The following CACHD1 variants were observed in gnomAD, a reference collection of about 807,000 sequenced individuals.
CACHD1 encodes the protein VWFA and cache domain-containing protein 1.
In CACHD1, 71 loss-of-function variants were observed where a neutral mutation model predicts 138.7. That is an observed-to-expected ratio of 0.51 (90% CI 0.42 to 0.62). The LOEUF is 0.62. CACHD1 is among the 20% of genes least tolerant of loss of function. The pLI is 0.00. For synonymous variants in CACHD1, 578 were observed against 591.5 expected, an observed-to-expected ratio of 0.98 and a Z score of 0.33; for missense variants, 1,389 against 1,625.3, an observed-to-expected ratio of 0.85 and a Z score of 2.50.
At chr1:64,574,306 G>T (rs1338013818) in intron 2 of CACHD1, among the ~76,000 whole-genome samples, 1 of 152,158 alleles carries the variant, frequency 6.6e-6, no homozygotes, top group Non-Finnish European at 1.5e-5. Context: ...AGCTCCCAGG[G>T]TTGTTATAAG....
At chr1:64,633,529 A>G (rs572758200) in intron 6 of CACHD1, among the ~76,000 whole-genome samples, 1 of 152,256 alleles carries the variant, frequency 6.6e-6, no homozygotes, top group East Asian at 1.9e-4. Context: ...GAAGAAGGGA[A>G]AGCCGCTAGT....
rs1324480950 is a variant in CACHD1 at position 64,666,142 on chromosome 1, A to G, written c.2362A>G (p.Ile788Val). The change falls in exon 16 of 27, where the codon ATC (isoleucine) becomes GTC (valine). Residue 788 changes from isoleucine (I) to valine (V), a missense_variant. Around this residue, in one of 5 missense-constraint regions of CACHD1, gnomAD observed 1,000 missense variants for 1,114.7 expected, o/e 0.90. Transcript: ENST00000651257. ...DVGGAGYVVT[I>V]SHTIHSSSTQ... ...TGGAGGAGCTGGTTATGTTGTGACA[A>G]TCAGTCACACAATTCATTCATCCAG... The G allele has an allele frequency of 1.2e-6, 2 of 1,603,264 alleles. No homozygotes were observed. The highest frequency in any genetic ancestry group is 1.7e-6 in the Non-Finnish European group (2 of 1,171,028).
intron 3 of CACHD1, among the ~76,000 whole-genome samples, chr1:64,591,550 A>G (rs1647106480): frequency 6.6e-6 from 1 of 152,248 alleles, no homozygotes. Context: ...TTCTGTATCT[A>G]TGGTCTAATA....
intron 12 of CACHD1, among the ~76,000 whole-genome samples, chr1:64,655,996 T>C (rs967269176): frequency 1.3e-5 from 2 of 152,224 alleles, no homozygotes; most frequent in East Asian, 1.9e-4. Context: ...TCTGCCTTCA[T>C]AGAGCATCGA....
intron 1 of CACHD1, among the ~76,000 whole-genome samples, chr1:64,499,614 C>A (rs1161468415): frequency 6.6e-6 from 1 of 152,226 alleles, no homozygotes; most frequent in Non-Finnish European, 1.5e-5. Context: ...TCTATCATTT[C>A]TTTCCATTAC....
Position 64,678,143 on chromosome 1 carries a change from A to G in CACHD1, c.3093-16A>G. ...CACACTGCTTTATAGAAGACTAAGT[A>G]TTGTTTTTCTGGCAGGGACTGTTTT... On this transcript the variant is annotated splice_polypyrimidine_tract_variant and intron_variant, in intron 22 of 26. Transcript: ENST00000651257. 6.2e-7 allele frequency: 1 copy of G among 1,608,218 alleles called. No individual in the cohort carries two copies. Among genetic ancestry groups the G allele is most frequent in the Non-Finnish European group, 8.5e-7 (1 of 1,177,706 alleles).
At chr1:64,519,972 C>T (rs547113128) in intron 1 of CACHD1, among the ~76,000 whole-genome samples, 5 of 152,142 alleles carry the variant, frequency 3.3e-5, no homozygotes, top group Middle Eastern at 3.2e-3. Flanking sequence ...GATTAACAGC[C>T]GTATATCAGC....
chr1:64,677,903 A>G (rs918933576), intron 22 of CACHD1, among the ~76,000 whole-genome samples: 2 of 152,114 alleles, frequency 1.3e-5, no homozygotes, highest in Non-Finnish European at 2.9e-5. Context: ...TAGCCCCATG[A>G]TGTGTGGATG....
At chr1:64,613,130 A>G (rs59745833) in intron 4 of CACHD1, among the ~76,000 whole-genome samples, 15,266 of 152,232 alleles carry the variant, frequency 0.1, 806 homozygotes, top group Middle Eastern at 0.19. Flanking sequence ...GAAAACTAGA[A>G]TTAGAAGTAG....
chr1:64,503,415 C>T (rs1437994995), intron 1 of CACHD1, among the ~76,000 whole-genome samples: 1 of 152,150 alleles, frequency 6.6e-6, no homozygotes, highest in African/African-American at 2.4e-5. Context: ...CAAAACAAAA[C>T]TCCAAAAATT....
intron 1 of CACHD1, among the ~76,000 whole-genome samples, chr1:64,548,965 G>T (rs776156031): frequency 3.9e-5 from 6 of 152,150 alleles, no homozygotes; most frequent in Non-Finnish European, 8.8e-5. Context: ...AGTTAGGAGC[G>T]CCAGATCTGA....
At chr1:64,670,327 G>C (rs544830384) in intron 16 of CACHD1, among the ~76,000 whole-genome samples, 27 of 152,190 alleles carry the variant, frequency 1.8e-4, no homozygotes, top group Non-Finnish European at 3.2e-4. Flanking sequence ...ATGTGACCTT[G>C]GCCAAATAAC....
At chr1:64,677,580 C>A (rs142487295) in intron 22 of CACHD1, among the ~76,000 whole-genome samples, 1 of 152,120 alleles carries the variant, frequency 6.6e-6, no homozygotes, top group Non-Finnish European at 1.5e-5. Flanking sequence ...CTCTGCTTTG[C>A]GTGTGTATTT....
At chr1:64,536,121 A>G (rs759965188) in intron 1 of CACHD1, among the ~76,000 whole-genome samples, 9 of 152,202 alleles carry the variant, frequency 5.9e-5, no homozygotes, top group Non-Finnish European at 1.2e-4. Flanking sequence ...TAGTTATGCA[A>G]TGATCACATG....
intron 6 of CACHD1, among the ~76,000 whole-genome samples, chr1:64,633,668 G>T (rs1648393326): frequency 6.6e-6 from 1 of 152,146 alleles, no homozygotes; most frequent in African/African-American, 2.4e-5. Context: ...CACTAACCTA[G>T]TGGCTTAAAA....
chr1:64,609,691 T>C (rs2100593140), intron 4 of CACHD1, among the ~76,000 whole-genome samples: 1 of 152,334 alleles, frequency 6.6e-6, no homozygotes, highest in African/African-American at 2.4e-5. Context: ...AATACAAATA[T>C]ATATACACAC....
chr1:64,491,911 G>T (rs567117815), intron 1 of CACHD1, among the ~76,000 whole-genome samples: 1 of 151,862 alleles, frequency 6.6e-6, no homozygotes, highest in African/African-American at 2.4e-5. Flanking sequence ...GTGAGCCACT[G>T]CACCCAGCGG....
At chr1:64,599,818 C>A (rs1178010036) in intron 3 of CACHD1, among the ~76,000 whole-genome samples, 1 of 152,074 alleles carries the variant, frequency 6.6e-6, no homozygotes, top group Non-Finnish European at 1.5e-5. Context: ...ATCTATGTAT[C>A]CTCAGCATTG....
intron 10 of CACHD1, 24 bp from the exon 11 acceptor site, chr1:64,653,734 A>G (rs772561304): frequency 5.0e-6 from 8 of 1,604,848 alleles, no homozygotes; most frequent in Non-Finnish European, 6.8e-6. Flanking sequence ...TCTTATTAAC[A>G]TGCATTTTGT....
Sources: allele counts gnomAD v4.1 joint callset (sites outside exome capture counted in the v4.1 genomes callset), GRCh38; gene constraint gnomAD v4.1.1; regional missense constraint gnomAD v4.1.1; transcripts MANE v1.5; gene names NCBI Gene and HGNC (gene_info 2026-07-23, HGNC 2026-07-21).